ATXN1: variants seen among roughly 807,000 people sequenced by gnomAD.
ATXN1 encodes the protein ataxin 1.
A neutral mutation model predicts 56.4 loss-of-function variants in ATXN1; 8 were observed. That is an observed-to-expected ratio of 0.14 (90% CI 0.08 to 0.26). The LOEUF (loss-of-function observed/expected upper bound fraction) is 0.26, where lower values mean the gene tolerates loss of function less well. Ranked by LOEUF, ATXN1 falls within the 10% of genes least tolerant of loss-of-function variation. The probability of loss-of-function intolerance (pLI) is 1.00; values close to 1 mark genes in which losing one functional copy is unlikely to be tolerated. For missense variants in ATXN1, 987 were observed against 1,106.5 expected (o/e 0.89, Z 1.53); for synonymous variants, 514 against 494.6 (o/e 1.04, Z -0.52).
intron 3 of ATXN1, among the ~76,000 whole-genome samples, chr6:16,650,796 T>A (rs1763879135): frequency 6.6e-6 from 1 of 152,196 alleles, no homozygotes; most frequent in Non-Finnish European, 1.5e-5. Flanking sequence ...GCTGTTTCTG[T>A]ACCTCACTTC....
At chr6:16,308,640 C>G (rs972074539) in intron 7 of ATXN1, among the ~76,000 whole-genome samples, 1 of 152,134 alleles carries the variant, frequency 6.6e-6, no homozygotes. Flanking sequence ...ACAGGCCTTT[C>G]AAGGTCTGAA....
Position 16,739,794 on chromosome 6 carries a change from T to C in ATXN1, c.-615+13439A>G. 2 of 456,296 alleles carry C rather than the reference T, an allele frequency of 4.4e-6. 1 individual carries two copies. The highest frequency in any genetic ancestry group is 3.1e-5 in the South Asian group (2 of 64,554). The allele number at this position is 456,296 out of a possible 1,614,324, so 28.3% of individuals were successfully genotyped here. The stretch of plus-strand genomic sequence containing the variant: ...TTTAGGGTGGCCCAGAATAAAATGG[T>C]GACACATTATGCCTCCTGGCGAGTT... On this transcript the variant is annotated intron_variant, in intron 2 of 7. Transcript: ENST00000436367.
At chr6:16,610,452 G>A (rs1275358087) in intron 3 of ATXN1, among the ~76,000 whole-genome samples, 1 of 151,842 alleles carries the variant, frequency 6.6e-6, no homozygotes, top group Non-Finnish European at 1.5e-5. Context: ...AGGTAACCAG[G>A]TCACCAAGGT....
intron 3 of ATXN1, among the ~76,000 whole-genome samples, chr6:16,597,731 A>G (rs1762841279): frequency 6.6e-6 from 1 of 152,190 alleles, no homozygotes; most frequent in Admixed American, 6.5e-5. Context: ...GTGAGCCACC[A>G]TGCCTGGCCT....
intron 6 of ATXN1, among the ~76,000 whole-genome samples, chr6:16,430,908 A>G (rs569243124): frequency 2.4e-4 from 36 of 152,294 alleles, no homozygotes; most frequent in Non-Finnish European, 4.6e-4. Context: ...AAAGGGTTGA[A>G]TATTTACAGA....
chr6:16,751,494 A>G (rs1360590411), intron 2 of ATXN1, among the ~76,000 whole-genome samples: 1 of 152,122 alleles, frequency 6.6e-6, no homozygotes, highest in Non-Finnish European at 1.5e-5. Context: ...CCTGAGGCAT[A>G]ATACTTCAGT....
intron 2 of ATXN1, among the ~76,000 whole-genome samples, chr6:16,714,068 T>C: frequency 6.6e-6 from 1 of 151,454 alleles, no homozygotes; most frequent in Admixed American, 6.6e-5. Context: ...AGGCAGAGAA[T>C]CACTTGAACC....
rs188144372 is a variant in ATXN1, at chr6:16,759,867, A to C, written c.-730+1431T>G. On this transcript the variant is annotated intron_variant, in intron 1 of 7. Coordinates refer to ENST00000436367, the MANE Select transcript of ATXN1 (RefSeq NM_001128164.2). The stretch of plus-strand genomic sequence containing the variant: ...ATGAAAGCACAAGCCACGGAGTTTA[A>C]GAAGGCAGCCTGAAGGCGGGGGGCT... 1.5e-4 allele frequency among the ~76,000 whole-genome samples: 23 copies of C among 152,236 alleles called. No individual in the cohort carries two copies. In the East Asian group the frequency reaches 4.3e-3, roughly 28 times the overall value.
chr6:16,629,318 G>C (rs934547889), intron 3 of ATXN1, among the ~76,000 whole-genome samples: 5 of 152,088 alleles, frequency 3.3e-5, no homozygotes, highest in Non-Finnish European at 5.9e-5. Flanking sequence ...TCATGGGGTT[G>C]AAAGTAACCT....
chr6:16,421,862 T>G (rs1759041666), intron 6 of ATXN1, among the ~76,000 whole-genome samples: 1 of 152,182 alleles, frequency 6.6e-6, no homozygotes, highest in Non-Finnish European at 1.5e-5. Context: ...ATATGTACAC[T>G]GCAGGGGCAA....
intron 2 of ATXN1, among the ~76,000 whole-genome samples, chr6:16,732,730 A>C (rs552568595): frequency 6.6e-6 from 1 of 152,356 alleles, no homozygotes; most frequent in South Asian, 2.1e-4. Flanking sequence ...AAACATACAT[A>C]TGTAAATATG....
At chr6:16,521,862 T>C (rs1761297790) in intron 5 of ATXN1, among the ~76,000 whole-genome samples, 1 of 152,202 alleles carries the variant, frequency 6.6e-6, no homozygotes, top group Admixed American at 6.5e-5. Context: ...AACAGAAGTG[T>C]TCTGGGTGCA....
At chr6:16,356,053 C>T (rs543542609) in intron 6 of ATXN1, among the ~76,000 whole-genome samples, 27 of 152,348 alleles carry the variant, frequency 1.8e-4, no homozygotes, top group African/African-American at 5.8e-4. Flanking sequence ...GTCATTACAT[C>T]GAAGTAAGTA....
intron 3 of ATXN1, among the ~76,000 whole-genome samples, chr6:16,616,664 T>C (rs1763219184): frequency 6.8e-6 from 1 of 146,120 alleles, no homozygotes; most frequent in Non-Finnish European, 1.5e-5. Flanking sequence ...TATAAAATTA[T>C]ATATATTATA....
chr6:16,447,251 G>T (rs962744882), intron 6 of ATXN1, among the ~76,000 whole-genome samples: 3 of 152,020 alleles, frequency 2.0e-5, no homozygotes, highest in Non-Finnish European at 2.9e-5. Flanking sequence ...TTGAGACAGG[G>T]TCTCGTTCTG....
chr6:16,356,020 A>G (rs1267985948), intron 6 of ATXN1, among the ~76,000 whole-genome samples: 2 of 152,210 alleles, frequency 1.3e-5, no homozygotes, highest in African/African-American at 2.4e-5. Flanking sequence ...CCCCGCGACC[A>G]TTCTCCTCCT....
intron 3 of ATXN1, among the ~76,000 whole-genome samples, chr6:16,648,927 G>T (rs1006745789): frequency 1.3e-5 from 2 of 151,578 alleles, no homozygotes; most frequent in African/African-American, 4.8e-5. Context: ...AGCATTAATA[G>T]GAAAAAACTC....
rs4052880 is a variant in ATXN1, at chr6:16,730,487, G to GTATATATATATA, written c.-615+22734_-615+22745dup. Among the ~76,000 whole-genome samples, 45 of 132,052 alleles carry GTATATATATATA rather than the reference G, an allele frequency of 3.4e-4. 1 individual carries two copies. In the East Asian group the frequency reaches 3.5e-3, roughly 10 times the overall value. The allele number at this position is 132,052 out of a possible 152,430, so 86.6% of individuals were successfully genotyped here. ...CTGGAGTTAAAGGGTAAAACAGTAT[G>GTATATATATATA]TATATATATATATATATATAAATGT... On this transcript the variant is annotated intron_variant, in intron 2 of 7. Coordinates refer to ENST00000436367, the MANE Select transcript of ATXN1 (RefSeq NM_001128164.2).
At chr6:16,323,063 C>A (rs1371158002) in intron 7 of ATXN1, among the ~76,000 whole-genome samples, 1 of 152,166 alleles carries the variant, frequency 6.6e-6, no homozygotes, top group African/African-American at 2.4e-5. Flanking sequence ...TCGTCTGCAC[C>A]CTGGCTGTCA....
Sources: gnomAD v4.1 joint callset for allele counts (sites outside exome capture counted in the v4.1 genomes callset) on GRCh38, gnomAD v4.1.1 for gene constraint, MANE v1.5 for transcripts, NCBI Gene and HGNC (gene_info 2026-07-23, HGNC 2026-07-21) for gene names.